PPP2R2B: variants seen among roughly 807,000 people sequenced by gnomAD.
PPP2R2B encodes the protein protein phosphatase 2 regulatory subunit Bbeta, also known as serine/threonine-protein phosphatase 2A 55 kDa regulatory subunit B beta isoform.
PPP2R2B carries 5 observed loss-of-function variants against 46.0 expected under a neutral mutation model. The ratio of observed to expected loss-of-function variants is 0.11; its 90% CI spans 0.06 to 0.23. PPP2R2B has a LOEUF of 0.23. Ranked by LOEUF, PPP2R2B falls within the 10% of genes least tolerant of loss-of-function variation. PPP2R2B has a pLI of 1.00. For synonymous variants in PPP2R2B, 215 were observed against 206.7 expected, an observed-to-expected ratio of 1.04 and a Z score of -0.34; for missense variants, 367 against 575.0, an observed-to-expected ratio of 0.64 and a Z score of 3.70.
chr5:147,034,231 G>A (rs1394387685), intron 1 of PPP2R2B, among the ~76,000 whole-genome samples: 1 of 152,112 alleles, frequency 6.6e-6, no homozygotes, highest in African/African-American at 2.4e-5. Flanking sequence ...ATGACCTCAT[G>A]TCCTTCAAAT....
At chr5:146,797,226 G>A (rs1756594127) in intron 2 of PPP2R2B, among the ~76,000 whole-genome samples, 3 of 152,142 alleles carry the variant, frequency 2.0e-5, no homozygotes, top group Non-Finnish European at 4.4e-5. Flanking sequence ...AAGAACTTAA[G>A]GATGCACCAT....
chr5:146,904,546 C>T (rs1435438917), intron 1 of PPP2R2B, among the ~76,000 whole-genome samples: 2 of 152,188 alleles, frequency 1.3e-5, no homozygotes, highest in Non-Finnish European at 2.9e-5. Flanking sequence ...AAAGTATAGC[C>T]CAGAGAGGTT....
chr5:146,632,590 C>G (rs1381608082), intron 7 of PPP2R2B, among the ~76,000 whole-genome samples: 1 of 151,716 alleles, frequency 6.6e-6, no homozygotes, highest in Non-Finnish European at 1.5e-5. Flanking sequence ...AGATTGTATT[C>G]CAGTCAGCAA....
At chr5:146,869,361 T>C (rs754978468) in intron 2 of PPP2R2B, among the ~76,000 whole-genome samples, 6 of 152,236 alleles carry the variant, frequency 3.9e-5, no homozygotes, top group Non-Finnish European at 7.3e-5. Flanking sequence ...CAGCATCTTA[T>C]GTAATATAAA....
intron 1 of PPP2R2B, among the ~76,000 whole-genome samples, chr5:146,980,770 T>C (rs532776947): frequency 3.9e-5 from 6 of 152,358 alleles, no homozygotes; most frequent in South Asian, 4.1e-4. Flanking sequence ...GTTTTATACA[T>C]GCATAGGAGA....
At chr5:146,890,044 G>C (rs1355067870) in intron 1 of PPP2R2B, among the ~76,000 whole-genome samples, 1 of 152,152 alleles carries the variant, frequency 6.6e-6, no homozygotes, top group Non-Finnish European at 1.5e-5. Context: ...ACACACAATG[G>C]CTCTTCTTAA....
chr5:147,057,328 T>G (rs1580867527), upstream of PPP2R2B, among the ~76,000 whole-genome samples: 1 of 152,248 alleles, frequency 6.6e-6, no homozygotes, highest in East Asian at 1.9e-4. Context: ...AGGTGCTGTT[T>G]AAACAGTGCC....
chr5:146,649,186 AG>A (rs1451397908), intron 6 of PPP2R2B, among the ~76,000 whole-genome samples: 2 of 152,194 alleles, frequency 1.3e-5, no homozygotes, highest in African/African-American at 2.4e-5. Flanking sequence ...GCTCATGGAT[AG>A]ATGGAGTTAG....
Position 147,007,176 on chromosome 5 carries a change from G to A in PPP2R2B, c.79+48489C>T, listed in dbSNP as rs555591471. On this transcript the variant is annotated intron_variant, in intron 1 of 8. Transcript: ENST00000336640. ...TCACTGACCTAAAGAGTTCCCATCC[G>A]GAGGACACTACAACTGCAGGGCCCC... 5.9e-5 allele frequency among the ~76,000 whole-genome samples: 9 copies of A among 152,188 alleles called. No homozygotes were observed. The East Asian group carries it at 7.8e-4, about 13-fold the overall frequency.
chr5:146,915,523 T>A (rs979146749), intron 1 of PPP2R2B, among the ~76,000 whole-genome samples: 3 of 152,044 alleles, frequency 2.0e-5, no homozygotes, highest in African/African-American at 7.2e-5. Flanking sequence ...TATTCCTTCA[T>A]AACAATTGCC....
At chr5:146,877,901 C>T in intron 2 of PPP2R2B, 101 bp downstream of exon 2, 1 of 1,385,666 alleles carries the variant, frequency 7.2e-7, no homozygotes, top group Non-Finnish European at 9.8e-7. Flanking sequence ...CCCTAGGGCC[C>T]GGAGGAGTCT....
intron 1 of PPP2R2B, among the ~76,000 whole-genome samples, chr5:146,912,927 G>A (rs746842833): frequency 9.2e-5 from 14 of 152,106 alleles, no homozygotes; most frequent in Non-Finnish European, 1.5e-4. Context: ...AAGCTCTTCT[G>A]GGGATTATAT....
At chr5:146,942,703 T>C (rs1764358830) in intron 1 of PPP2R2B, among the ~76,000 whole-genome samples, 1 of 152,212 alleles carries the variant, frequency 6.6e-6, no homozygotes, top group Non-Finnish European at 1.5e-5. Flanking sequence ...GTATGATATA[T>C]GTTAAAAACT....
intron 1 of PPP2R2B, among the ~76,000 whole-genome samples, chr5:147,031,657 T>A (rs578056062): frequency 3.9e-4 from 60 of 152,322 alleles, no homozygotes; most frequent in African/African-American, 1.4e-3. Context: ...GTCCCTTGTA[T>A]CTTTAGGCTT....
intron 2 of PPP2R2B, among the ~76,000 whole-genome samples, chr5:146,855,127 T>C (rs1437057840): frequency 6.6e-6 from 1 of 151,980 alleles, no homozygotes. Context: ...CCCCAATCAA[T>C]ATTATATTAG....
rs1376366882 is a variant in PPP2R2B at position 146,586,273 on chromosome 5, A to G, written c.*3674T>C. 1 of 152,226 alleles carries G rather than the reference A, an allele frequency of 6.6e-6. No homozygotes were observed. Among genetic ancestry groups the G allele is most frequent in the Non-Finnish European group, 1.5e-5 (1 of 68,076 alleles). 9.4% of individuals were successfully genotyped at this position (152,226 alleles called of 1,614,324 possible). On this transcript the variant is annotated 3_prime_UTR_variant, in exon 10 of 10. Transcript: ENST00000394411. ...CACCGGCTTCATCCACACATTCATC[A>G]CGGAAGAGGGAAAATTAGTAAGGGT...
chr5:146,794,951 C>T (rs549667076), intron 2 of PPP2R2B, among the ~76,000 whole-genome samples: 1 of 152,096 alleles, frequency 6.6e-6, no homozygotes, highest in South Asian at 2.1e-4. Flanking sequence ...GTGGTGTCTT[C>T]CTCCTGCCCC....
intron 7 of PPP2R2B, among the ~76,000 whole-genome samples, chr5:146,625,179 T>A (rs17448288): frequency 0.021 from 3,165 of 152,372 alleles, 50 homozygotes; most frequent in Admixed American, 0.064. Context: ...AGTTTTCCAA[T>A]TTGTAAAAAT....
intron 1 of PPP2R2B, among the ~76,000 whole-genome samples, chr5:147,021,284 G>A (rs891963502): frequency 1.3e-5 from 2 of 152,160 alleles, no homozygotes; most frequent in African/African-American, 4.8e-5. Context: ...GGCACCCAAG[G>A]AAAACATGAC....
Sources: allele counts gnomAD v4.1 joint callset (sites outside exome capture counted in the v4.1 genomes callset), GRCh38; gene constraint gnomAD v4.1.1; transcripts MANE v1.5; gene names NCBI Gene and HGNC (gene_info 2026-07-23, HGNC 2026-07-21).